The following UST variants were observed in gnomAD, a reference collection of about 807,000 sequenced individuals.
UST encodes the protein uronyl 2-sulfotransferase, also known as chondroitin sulfate 2-O-sulfotransferase.
UST carries 21 observed loss-of-function variants against 45.6 expected under a neutral mutation model. The observed-to-expected ratio is 0.46, with a 90% CI of 0.33 to 0.66. The LOEUF (loss-of-function observed/expected upper bound fraction) is 0.66, where lower values mean the gene tolerates loss of function less well. Among genes scored for constraint, UST ranks in the 30% least tolerant of loss-of-function variants. The pLI is 0.02. For synonymous variants in UST, 215 were observed against 200.6 expected (o/e 1.07, Z -0.61); for missense variants, 463 against 512.4 (o/e 0.90, Z 0.93).
Position 148,789,999 on chromosome 6 carries a change from T to C in UST, c.247+42322T>C, listed in dbSNP as rs1172357443. ...CAAGATTTCAGGATTCTTTTTTTTT[T>C]TTTTTTTTTCCAGCTTTAAGTGCCT... On this transcript the variant is annotated intron_variant, in intron 1 of 7. Transcript: ENST00000367463. 7.2e-5 allele frequency among the ~76,000 whole-genome samples: 11 copies of C among 151,768 alleles called. No individual in the cohort carries two copies. The East Asian group carries it at 1.7e-3, about 24-fold the overall frequency.
chr6:148,996,575 T>C (rs907913041), intron 5 of UST, among the ~76,000 whole-genome samples: 4 of 152,346 alleles, frequency 2.6e-5, no homozygotes, highest in Middle Eastern at 3.4e-3. Flanking sequence ...CTCTTTCTCT[T>C]GTGTGTCTAA....
intron 5 of UST, among the ~76,000 whole-genome samples, chr6:148,971,331 T>A (rs1478870989): frequency 6.6e-6 from 1 of 152,140 alleles, no homozygotes; most frequent in Non-Finnish European, 1.5e-5. Flanking sequence ...GGAGCTATTG[T>A]AGGAACTGGA....
chr6:148,894,352 G>GTGGACCC (rs1779077571), intron 2 of UST, among the ~76,000 whole-genome samples: 1 of 152,194 alleles, frequency 6.6e-6, no homozygotes, highest in African/African-American at 2.4e-5. Context: ...CTGGAGAAGG[G>GTGGACCC]TGGACCCTAA....
chr6:149,041,520 C>G (rs34599887), intron 7 of UST, among the ~76,000 whole-genome samples: 53,941 of 152,044 alleles, frequency 0.35, 10,080 homozygotes, highest in African/African-American at 0.42. Context: ...CTGGAGGGAA[C>G]CCCTCTCCTC....
intron 5 of UST, among the ~76,000 whole-genome samples, chr6:149,005,065 G>A (rs976433512): frequency 6.6e-6 from 1 of 151,720 alleles, no homozygotes; most frequent in African/African-American, 2.4e-5. Flanking sequence ...GTGATCAGAT[G>A]TCTTGAGTCT....
At chr6:148,940,812 A>G (rs772573836) in intron 2 of UST, among the ~76,000 whole-genome samples, 2 of 152,154 alleles carry the variant, frequency 1.3e-5, no homozygotes, top group Non-Finnish European at 2.9e-5. Flanking sequence ...GGCCATTTGT[A>G]TATTTTCTTT....
chr6:148,778,072 TC>T (rs1230076060), intron 1 of UST, among the ~76,000 whole-genome samples: 3 of 152,094 alleles, frequency 2.0e-5, no homozygotes, highest in Admixed American at 2.0e-4. Context: ...TCAGAATGTG[TC>T]CCCATTCTTA....
chr6:149,040,931 A>G (rs1217751893), intron 7 of UST, among the ~76,000 whole-genome samples: 1 of 152,202 alleles, frequency 6.6e-6, no homozygotes, highest in Non-Finnish European at 1.5e-5. Context: ...TGCCCCAGTG[A>G]ATGGATTGCG....
chr6:148,829,322 C>T (rs1582837932), intron 1 of UST, among the ~76,000 whole-genome samples: 2 of 152,210 alleles, frequency 1.3e-5, no homozygotes, highest in African/African-American at 2.4e-5. Context: ...TGGCCTTGCT[C>T]ATCCCACACA....
chr6:149,049,354 G>A (rs1249320060), intron 7 of UST, among the ~76,000 whole-genome samples: 1 of 152,108 alleles, frequency 6.6e-6, no homozygotes, highest in African/African-American at 2.4e-5. Flanking sequence ...ATGAAGTAAA[G>A]GAGAAAAGAA....
intron 1 of UST, among the ~76,000 whole-genome samples, chr6:148,825,293 G>A (rs973132055): frequency 6.6e-6 from 1 of 152,134 alleles, no homozygotes; most frequent in African/African-American, 2.4e-5. Context: ...TATTTTGCTG[G>A]GCAGGCTGTA....
chr6:148,762,360 AG>A (rs986882622), intron 1 of UST, among the ~76,000 whole-genome samples: 7 of 152,196 alleles, frequency 4.6e-5, no homozygotes, highest in African/African-American at 1.7e-4. Flanking sequence ...GGCTGAAGAG[AG>A]GCATGTGCTT....
At chr6:148,832,030 A>G (rs930208995) in intron 1 of UST, among the ~76,000 whole-genome samples, 1 of 152,122 alleles carries the variant, frequency 6.6e-6, no homozygotes, top group Non-Finnish European at 1.5e-5. Flanking sequence ...ATCTCTCTCT[A>G]TTGCCCAGGC....
chr6:148,893,902 G>C (rs11758175), intron 2 of UST, among the ~76,000 whole-genome samples: 32,542 of 151,984 alleles, frequency 0.21, 4,220 homozygotes, highest in African/African-American at 0.35. Context: ...CCTCTAATCC[G>C]AGCACTTTTG....
At chr6:148,859,153 A>G (rs1472679910) in intron 1 of UST, among the ~76,000 whole-genome samples, 1 of 152,144 alleles carries the variant, frequency 6.6e-6, no homozygotes, top group Non-Finnish European at 1.5e-5. Context: ...CATCCTCTTC[A>G]GCACCTGTTG....
At chr6:148,950,600 C>T (rs1323260498) in intron 3 of UST, among the ~76,000 whole-genome samples, 4 of 152,154 alleles carry the variant, frequency 2.6e-5, no homozygotes, top group Non-Finnish European at 2.9e-5. Context: ...TCCTGCAGTT[C>T]CTTGGTGCCG....
At chr6:148,820,343 C>G (rs1372282871) in intron 1 of UST, among the ~76,000 whole-genome samples, 1 of 152,090 alleles carries the variant, frequency 6.6e-6, no homozygotes, top group Non-Finnish European at 1.5e-5. Flanking sequence ...CATTCTCTTT[C>G]TGTATATCAT....
chr6:148,949,318 A>G (rs141001792), intron 3 of UST, among the ~76,000 whole-genome samples: 20,213 of 144,166 alleles, frequency 0.14, 1,788 homozygotes, highest in South Asian at 0.22. Context: ...AATAATAATA[A>G]TAATAATAAT....
At chr6:148,985,835 A>G (rs1464801682) in intron 5 of UST, among the ~76,000 whole-genome samples, 2 of 152,178 alleles carry the variant, frequency 1.3e-5, no homozygotes, top group Admixed American at 1.3e-4. Context: ...AGCACATACC[A>G]TATACACAAC....
Sources: allele counts gnomAD v4.1 joint callset (sites outside exome capture counted in the v4.1 genomes callset), GRCh38; gene constraint gnomAD v4.1.1; transcripts MANE v1.5; gene names NCBI Gene and HGNC (gene_info 2026-07-23, HGNC 2026-07-21).